COX10: variants seen among roughly 807,000 people sequenced by gnomAD.
The protein encoded by COX10 is protoheme IX farnesyltransferase, mitochondrial.
Under a neutral mutation model 37.3 loss-of-function variants are expected in COX10, and 27 were observed. The ratio of observed to expected loss-of-function variants is 0.72; its 90% CI spans 0.53 to 1.00. COX10 has a LOEUF of 1.00. COX10 is among the 50% of genes least tolerant of loss of function. COX10 has a pLI of 0.00. For missense variants in COX10, 475 were observed against 563.2 expected, an observed-to-expected ratio of 0.84 and a Z score of 1.59; for synonymous variants, 222 against 229.1, an observed-to-expected ratio of 0.97 and a Z score of 0.28.
At chr17:14,134,795 A>G (rs1319420660) in intron 4 of COX10, among the ~76,000 whole-genome samples, 2 of 151,088 alleles carry the variant, frequency 1.3e-5, no homozygotes, top group South Asian at 2.1e-4. Flanking sequence ...TTTTTAAGTT[A>G]AACTCTTTAT....
rs754517573 is a variant in COX10, at chr17:14,170,928, C to CTATA, written c.695+10982_695+10983insATAT. 2.3e-3 allele frequency among the ~76,000 whole-genome samples: 343 copies of CTATA among 152,190 alleles called. 1 individual carries two copies. The highest frequency in any genetic ancestry group is 3.7e-3 in the Admixed American group (57 of 15,280). ...ACATTGTTAGGGAAGAGGTTTAAAA[C>CTATA]TGTAGAGAAATATAGAGTTGTTTAC... On this transcript the variant is annotated intron_variant, in intron 5 of 6. Transcript: ENST00000261643.
intron 5 of COX10, among the ~76,000 whole-genome samples, chr17:14,173,120 A>G (rs1180404758): frequency 6.6e-6 from 1 of 152,238 alleles, no homozygotes; most frequent in African/African-American, 2.4e-5. Context: ...TCACGTGGAC[A>G]GTTTTAGGCA....
At chr17:14,135,410 T>G (rs1242761479) in intron 4 of COX10, among the ~76,000 whole-genome samples, 1 of 151,872 alleles carries the variant, frequency 6.6e-6, no homozygotes, top group Non-Finnish European at 1.5e-5. Flanking sequence ...TTGGTAGTTC[T>G]CAAATTTTAC....
chr17:14,133,345 T>C (rs1916507597), intron 4 of COX10, among the ~76,000 whole-genome samples: 1 of 151,640 alleles, frequency 6.6e-6, no homozygotes, highest in African/African-American at 2.4e-5. Context: ...TTGGACTAAC[T>C]GGATTTGTAA....
intron 4 of COX10, among the ~76,000 whole-genome samples, chr17:14,107,223 A>T (rs545554358): frequency 2.7e-4 from 41 of 149,774 alleles, no homozygotes; most frequent in African/African-American, 8.1e-4. Flanking sequence ...TTCTACTTTC[A>T]TTTTTTTTTT....
At chr17:14,074,187 TTATTTCAAAGC>T in intron 1 of COX10, 125 bp from the exon 2 acceptor site, 1 of 890,952 alleles carries the variant, frequency 1.1e-6, no homozygotes, top group Admixed American at 2.2e-5. Flanking sequence ...CTGGATTAGA[TTATTTCAAAGC>T]TCTGACCCAT....
At chr17:14,159,541 T>G (rs1174100713) in intron 4 of COX10, among the ~76,000 whole-genome samples, 1 of 152,092 alleles carries the variant, frequency 6.6e-6, no homozygotes, top group Non-Finnish European at 1.5e-5. Context: ...CTGCGGGAGT[T>G]GAGTATGTGT....
chr17:14,199,976 G>C (rs1177325783), intron 6 of COX10, among the ~76,000 whole-genome samples: 1 of 152,174 alleles, frequency 6.6e-6, no homozygotes, highest in Non-Finnish European at 1.5e-5. Flanking sequence ...CCACATCAGA[G>C]AGGAGACTAT....
At chr17:14,080,178 A>T (rs2142184679) in intron 3 of COX10, among the ~76,000 whole-genome samples, 1 of 150,938 alleles carries the variant, frequency 6.6e-6, no homozygotes, top group Admixed American at 6.6e-5. Flanking sequence ...AAGATAGTAT[A>T]ATTTACCCTT....
At chr17:14,099,033 G>A (rs2142197856) in intron 3 of COX10, among the ~76,000 whole-genome samples, 1 of 152,236 alleles carries the variant, frequency 6.6e-6, no homozygotes, top group African/African-American at 2.4e-5. Context: ...CTGAATGTGT[G>A]TGTCTTCATG....
chr17:14,180,356 G>A (rs1905820456), intron 5 of COX10, among the ~76,000 whole-genome samples: 2 of 152,178 alleles, frequency 1.3e-5, no homozygotes, highest in Admixed American at 6.5e-5. Flanking sequence ...TGGTATTAAT[G>A]TAGAGAACTT....
chr17:14,097,144 T>G lies in COX10; in HGVS notation c.500-4974T>G, dbSNP rs78632912. Among the ~76,000 whole-genome samples, 1,499 of 152,290 alleles carry G rather than the reference T, an allele frequency of 9.8e-3. 11 individuals carry two copies. Among genetic ancestry groups the G allele is most frequent in the Admixed American group, 0.018 (277 of 15,284 alleles). ...TGAGATTTTGCTGTTACAAAATGAT[T>G]CCATGTAATGAACCCCAGGAAATCA... On this transcript the variant is annotated intron_variant, in intron 3 of 6. Transcript: ENST00000261643.
At chr17:14,145,673 G>A (rs1311277715) in intron 4 of COX10, among the ~76,000 whole-genome samples, 1 of 152,136 alleles carries the variant, frequency 6.6e-6, no homozygotes, top group African/African-American at 2.4e-5. Context: ...GACAGCCATG[G>A]AAGGGTTTTA....
chr17:14,193,374 AG>A (rs1906270277), intron 6 of COX10, among the ~76,000 whole-genome samples: 1 of 151,926 alleles, frequency 6.6e-6, no homozygotes. Flanking sequence ...GTTATTTGTA[AG>A]GTGCTGGACC....
chr17:14,138,347 C>CA (rs1413761964), intron 4 of COX10, among the ~76,000 whole-genome samples: 1 of 152,066 alleles, frequency 6.6e-6, no homozygotes, highest in African/African-American at 2.4e-5. Flanking sequence ...TAACTTAGCC[C>CA]ACATTGTCAG....
At chr17:14,116,808 C>G (rs1339165719) in intron 4 of COX10, among the ~76,000 whole-genome samples, 1 of 152,136 alleles carries the variant, frequency 6.6e-6, no homozygotes, top group Admixed American at 6.6e-5. Flanking sequence ...ACTATTACTA[C>G]TTCTACCTTC....
At chr17:14,184,710 G>A (rs1454374899) in intron 5 of COX10, among the ~76,000 whole-genome samples, 1 of 152,224 alleles carries the variant, frequency 6.6e-6, no homozygotes. Flanking sequence ...ACTAGAACAT[G>A]CCAAGAGATA....
intron 3 of COX10, among the ~76,000 whole-genome samples, chr17:14,092,618 C>A (rs929129685): frequency 2.0e-5 from 3 of 152,056 alleles, no homozygotes; most frequent in Non-Finnish European, 4.4e-5. Context: ...ATGAGAATTA[C>A]CACCTTCTCT....
At chr17:14,170,246 A>G (rs535538595) in intron 5 of COX10, among the ~76,000 whole-genome samples, 5 of 152,194 alleles carry the variant, frequency 3.3e-5, no homozygotes, top group Non-Finnish European at 5.9e-5. Flanking sequence ...GAATCTGCAA[A>G]CTCAGTCATG....
Sources: gnomAD v4.1 joint callset for allele counts (sites outside exome capture counted in the v4.1 genomes callset) on GRCh38, gnomAD v4.1.1 for gene constraint, MANE v1.5 for transcripts, NCBI Gene and HGNC (gene_info 2026-07-23, HGNC 2026-07-21) for gene names.